Variants in MGAT5 observed in about 807,000 individuals in gnomAD.
MGAT5 encodes alpha-1,6-mannosylglycoprotein 6-beta-N-acetylglucosaminyltransferase.
MGAT5 carries 30 observed loss-of-function variants against 94.3 expected under a neutral mutation model. The observed-to-expected ratio is 0.32, with a 90% CI of 0.24 to 0.43. The LOEUF (loss-of-function observed/expected upper bound fraction) is 0.43, where lower values mean the gene tolerates loss of function less well. Among genes scored for constraint, MGAT5 ranks in the 20% least tolerant of loss-of-function variants. The pLI, the probability that MGAT5 is intolerant of heterozygous loss-of-function variation, is 1.00. For synonymous variants in MGAT5, 310 were observed against 322.9 expected (o/e 0.96, Z 0.43); for missense variants, 691 against 905.5 (o/e 0.76, Z 3.04).
At chr2:134,295,634 G>T (rs1254701051) in intron 2 of MGAT5, among the ~76,000 whole-genome samples, 1 of 152,130 alleles carries the variant, frequency 6.6e-6, no homozygotes, top group Non-Finnish European at 1.5e-5. Flanking sequence ...TGGCTGGCTT[G>T]TGGCTCTTCT....
intron 14 of MGAT5, among the ~76,000 whole-genome samples, chr2:134,437,897 C>T (rs1685258017): frequency 6.6e-6 from 1 of 151,828 alleles, no homozygotes; most frequent in Admixed American, 6.6e-5. Context: ...TACCTGTAAC[C>T]CCAGGTACTC....
At chr2:134,243,877 G>T (rs1330506807) in intron 1 of MGAT5, among the ~76,000 whole-genome samples, 1 of 152,174 alleles carries the variant, frequency 6.6e-6, no homozygotes, top group Non-Finnish European at 1.5e-5. Flanking sequence ...GGGTAATTGG[G>T]CTGGAGGGCT....
intron 7 of MGAT5, among the ~76,000 whole-genome samples, chr2:134,342,939 T>C (rs1688719126): frequency 6.6e-6 from 1 of 152,044 alleles, no homozygotes; most frequent in Non-Finnish European, 1.5e-5. Flanking sequence ...CTAATTGAGG[T>C]GTACGTGGAT....
At chr2:134,438,771 C>T (rs550420172) in intron 14 of MGAT5, among the ~76,000 whole-genome samples, 2 of 152,304 alleles carry the variant, frequency 1.3e-5, no homozygotes, top group South Asian at 4.2e-4. Context: ...GTGCCCAGGG[C>T]TGTATGGGTC....
At chr2:134,163,813 C>G (rs532093530) in intron 1 of MGAT5, among the ~76,000 whole-genome samples, 13 of 152,286 alleles carry the variant, frequency 8.5e-5, no homozygotes, top group African/African-American at 3.1e-4. Context: ...GAGGGGCTGT[C>G]AAAGGGGTTG....
Position 134,448,651 on chromosome 2 carries a change from A to G in MGAT5, c.2030A>G (p.Tyr677Cys). ...TGTGCCTTTCTCTTCCTCTTCAGGT[A>G]CAAGGTGACCTGCCAAAGCTCAGAG... ...HLNKDKDMLKYKVTCQSSELA... is the reference protein window; with the variant it reads ...HLNKDKDMLKCKVTCQSSELA... Residue 677 changes from tyrosine to cysteine, a missense_variant and splice_region_variant, in exon 16 of 16, where the codon TAC (tyrosine) becomes TGC (cysteine). Coordinates refer to ENST00000281923, the MANE Select transcript of MGAT5 (RefSeq NM_002410.5). 2.5e-6 allele frequency: 4 copies of G among 1,614,096 alleles called. No individual in the cohort carries two copies. The highest frequency in any genetic ancestry group is 3.4e-6 in the Non-Finnish European group (4 of 1,179,972).
chr2:134,254,289 G>A lies in MGAT5; in HGVS notation c.-115G>A. 7.4e-7 allele frequency: 1 copy of A among 1,356,084 alleles called. No homozygotes were observed. The highest frequency in any genetic ancestry group is 1.4e-5 in the African/African-American group (1 of 69,070). The allele number at this position is 1,356,084 out of a possible 1,614,324, so 84.0% of individuals were successfully genotyped here. On this transcript the variant is annotated 5_prime_UTR_variant, in exon 1 of 16. Transcript: ENST00000281923. ...GAATGGAAGTGAGGAAAGGCAACCAGCTGACACAGGAGCCAGAGTGAGACC... is the reference window on the plus strand; with the variant it reads ...GAATGGAAGTGAGGAAAGGCAACCAACTGACACAGGAGCCAGAGTGAGACC...
In MGAT5 at chr2:134,350,811, T is replaced by A. The variant is rs576618088; in HGVS notation, c.1246+873T>A. Among the ~76,000 whole-genome samples, 3 of 152,272 alleles carry A rather than the reference T, an allele frequency of 2.0e-5. No homozygotes were observed. In the South Asian group the frequency reaches 6.2e-4, roughly 32 times the overall value. ...TGAAAGGCCACATGAGATAATTTGG[T>A]TGATGAGAGAATTCCTATTTTCTAA... On this transcript the variant is annotated intron_variant, in intron 9 of 15. Transcript: ENST00000281923.
chr2:134,241,146 G>T (rs1029520222), intron 1 of MGAT5, among the ~76,000 whole-genome samples: 1 of 152,246 alleles, frequency 6.6e-6, no homozygotes, highest in Non-Finnish European at 1.5e-5. Context: ...CTGAGCATCT[G>T]TGGGTGGGCT....
intron 2 of MGAT5, among the ~76,000 whole-genome samples, chr2:134,271,717 C>G (rs1215243372): frequency 1.3e-5 from 2 of 152,192 alleles, no homozygotes; most frequent in Non-Finnish European, 2.9e-5. Context: ...TTCAACCAAA[C>G]AAAGGTATTA....
chr2:134,147,801 G>T (rs1257230394), intron 1 of MGAT5, among the ~76,000 whole-genome samples: 2 of 152,172 alleles, frequency 1.3e-5, no homozygotes. Flanking sequence ...ATGCCTGGCA[G>T]TCCGTAAGCT....
chr2:134,190,462 T>C lies in MGAT5; in HGVS notation c.-142-63800T>C, dbSNP rs529948107. ...AGATTGAATGTTCCCGGGAGTATTT[T>C]CATTTTATCTGAAGAGTTTGTAGTC... On this transcript the variant is annotated intron_variant, in intron 1 of 16. Transcript: ENST00000409645. Among the ~76,000 whole-genome samples the C allele has an allele frequency of 2.0e-5, 3 of 152,318 alleles. No homozygotes were observed. The South Asian group carries it at 6.2e-4, about 32-fold the overall frequency.
chr2:134,139,714 CAA>C (rs1383518470), intron 1 of MGAT5, among the ~76,000 whole-genome samples: 1 of 152,134 alleles, frequency 6.6e-6, no homozygotes, highest in African/African-American at 2.4e-5. Context: ...GGTGCAAAAT[CAA>C]AAGTTTCATA....
In MGAT5 at chr2:134,161,431, C is replaced by T. The variant is rs116288758; in HGVS notation, c.-143+41140C>T. ...GAGCCTTGTTACCTGGTAACTCATTCAACTTCTGAATGCTGGCCTCTTGCC... is the reference window on the plus strand; with the variant it reads ...GAGCCTTGTTACCTGGTAACTCATTTAACTTCTGAATGCTGGCCTCTTGCC... On this transcript the variant is annotated intron_variant, in intron 1 of 16. Coordinates refer to the MGAT5 transcript ENST00000409645. Among the ~76,000 whole-genome samples the T allele has an allele frequency of 7.6e-3, 1,156 of 152,294 alleles. 11 individuals are homozygous for T. The highest frequency in any genetic ancestry group is 0.026 in the African/African-American group (1,062 of 41,558).
chr2:134,318,565 C>A, intron 3 of MGAT5, 85 bp from the exon 4 acceptor site: 1 of 1,006,758 alleles, frequency 9.9e-7, no homozygotes, highest in Non-Finnish European at 1.6e-6. Flanking sequence ...TTCACTCCAT[C>A]TTCACCATTC....
Position 134,362,423 on chromosome 2 carries a change from G to A in MGAT5, c.1380+15G>A, listed in dbSNP as rs200945888. On this transcript the variant is annotated intron_variant, in intron 10 of 15. Transcript: ENST00000281923. ...GCTTCTGGAAGGTGAGTCAGTCTGTGCGTGTCTCTCTCTCTGAAAAGAAGC... is the reference window on the plus strand; with the variant it reads ...GCTTCTGGAAGGTGAGTCAGTCTGTACGTGTCTCTCTCTCTGAAAAGAAGC... The A allele has an allele frequency of 1.2e-6, 2 of 1,608,568 alleles. No homozygotes were observed. The highest frequency in any genetic ancestry group is 2.2e-5 in the East Asian group (1 of 44,848).
At chr2:134,323,241 C>T (rs988048943) in intron 4 of MGAT5, among the ~76,000 whole-genome samples, 3 of 152,094 alleles carry the variant, frequency 2.0e-5, no homozygotes, top group Non-Finnish European at 2.9e-5. Flanking sequence ...ATATGTCTGA[C>T]GCTGTACTAG....
chr2:134,383,415 C>T (rs976425890), intron 10 of MGAT5, among the ~76,000 whole-genome samples: 11 of 152,246 alleles, frequency 7.2e-5, no homozygotes, highest in East Asian at 5.8e-4. Flanking sequence ...TCTTATAAAA[C>T]GCCAAATGCC....
chr2:134,252,372 C>CGTTATG, upstream of MGAT5, among the ~76,000 whole-genome samples: 1 of 152,224 alleles, frequency 6.6e-6, no homozygotes, highest in East Asian at 1.9e-4. Flanking sequence ...GAGGAACTTA[C>CGTTATG]GTTATGATAG....
Sources: gnomAD v4.1 joint callset for allele counts (sites outside exome capture counted in the v4.1 genomes callset) on GRCh38, gnomAD v4.1.1 for gene constraint, MANE v1.5 for transcripts, NCBI Gene and HGNC (gene_info 2026-07-23, HGNC 2026-07-21) for gene names.